Variants in ITPR2 observed in about 807,000 individuals in gnomAD.
ITPR2 encodes the protein inositol 1,4,5-trisphosphate-gated calcium channel ITPR2.
ITPR2 carries 207 observed loss-of-function variants against 317.1 expected under a neutral mutation model. The observed-to-expected ratio is 0.65, with a 90% CI of 0.58 to 0.73. The LOEUF (loss-of-function observed/expected upper bound fraction) is 0.73, where lower values mean the gene tolerates loss of function less well. Ranked by LOEUF, ITPR2 falls within the 30% of genes least tolerant of loss-of-function variation. The pLI, the probability that ITPR2 is intolerant of heterozygous loss-of-function variation, is 0.00. For missense variants in ITPR2, 2,613 were observed against 3,284.0 expected (o/e 0.80, Z 4.99); for synonymous variants, 1,156 against 1,149.1 (o/e 1.01, Z -0.12).
chr12:26,758,682 G>C (rs1444869219), intron 2 of ITPR2, among the ~76,000 whole-genome samples: 2 of 152,212 alleles, frequency 1.3e-5, no homozygotes, highest in Admixed American at 1.3e-4. Context: ...GTCTTAATAA[G>C]TGTCCATCTC....
chr12:26,660,526 A>G (rs1947473379), intron 15 of ITPR2, among the ~76,000 whole-genome samples: 1 of 152,196 alleles, frequency 6.6e-6, no homozygotes, highest in Non-Finnish European at 1.5e-5. Flanking sequence ...ATAGATTAGA[A>G]AGTGGTTTTG....
chr12:26,699,488 A>C (rs978085972), intron 9 of ITPR2, among the ~76,000 whole-genome samples: 69 of 152,306 alleles, frequency 4.5e-4, no homozygotes, highest in Admixed American at 2.0e-3. Flanking sequence ...ATGTCAATAA[A>C]TTTTACATAT....
At chr12:26,406,447 T>G (rs1243578041) in intron 52 of ITPR2, 1 of 149,880 alleles carries the variant, frequency 6.7e-6, no homozygotes, top group Non-Finnish European at 1.5e-5. Flanking sequence ...TTTTTTTTTT[T>G]TTTTTTTAAA....
At chr12:26,461,026 T>C (rs1479430793) in intron 45 of ITPR2, among the ~76,000 whole-genome samples, 1 of 152,180 alleles carries the variant, frequency 6.6e-6, no homozygotes, top group African/African-American at 2.4e-5. Flanking sequence ...CTCTGTCAAT[T>C]GGTTAGTCAA....
intron 45 of ITPR2, among the ~76,000 whole-genome samples, chr12:26,448,129 CA>C: frequency 6.6e-6 from 1 of 151,916 alleles, no homozygotes; most frequent in East Asian, 1.9e-4. Flanking sequence ...TGAGTTGTAA[CA>C]ATAAGAAATC....
chr12:26,449,188 G>A (rs747534420), intron 45 of ITPR2, among the ~76,000 whole-genome samples: 1 of 151,982 alleles, frequency 6.6e-6, no homozygotes, highest in Non-Finnish European at 1.5e-5. Flanking sequence ...CTGTGACATA[G>A]CAATTGGCTT....
At chr12:26,468,049 G>A (rs897814510) in intron 45 of ITPR2, among the ~76,000 whole-genome samples, 1 of 152,122 alleles carries the variant, frequency 6.6e-6, no homozygotes, top group African/African-American at 2.4e-5. Flanking sequence ...ATTCCAGGAT[G>A]ATATATAGCA....
chr12:26,503,170 A>G (rs558428768), intron 37 of ITPR2, among the ~76,000 whole-genome samples: 4 of 109,990 alleles, frequency 3.6e-5, no homozygotes, highest in Admixed American at 9.3e-5. Flanking sequence ...AATGGGGTAG[A>G]AGACCCACTG....
intron 2 of ITPR2, among the ~76,000 whole-genome samples, chr12:26,783,297 A>G (rs1950128074): frequency 6.6e-6 from 1 of 152,234 alleles, no homozygotes; most frequent in East Asian, 1.9e-4. Flanking sequence ...GTCAAGTGAC[A>G]AATGTTCAGA....
intron 13 of ITPR2, among the ~76,000 whole-genome samples, chr12:26,666,521 T>G (rs527931978): frequency 1.3e-5 from 2 of 152,364 alleles, no homozygotes; most frequent in South Asian, 4.1e-4. Flanking sequence ...ACAGCTATAC[T>G]AAATTCCTAA....
chr12:26,678,219 A>G (rs960638422), intron 13 of ITPR2, among the ~76,000 whole-genome samples: 1 of 152,156 alleles, frequency 6.6e-6, no homozygotes, highest in Admixed American at 6.5e-5. Flanking sequence ...GATGGCAGTT[A>G]ACACCCCTCC....
chr12:26,722,338 T>C, intron 5 of ITPR2, 59 bp downstream of exon 5: 1 of 1,433,642 alleles, frequency 7.0e-7, no homozygotes. Context: ...TTATCTTACT[T>C]ATTAGGAATC....
intron 1 of ITPR2, among the ~76,000 whole-genome samples, chr12:26,828,492 C>G (rs1951043373): frequency 6.6e-6 from 1 of 152,138 alleles, no homozygotes; most frequent in Non-Finnish European, 1.5e-5. Flanking sequence ...TAAAACCAAG[C>G]ATGACGGACC....
At position 26,439,030 on chromosome 12, in the gene ITPR2, T is replaced by TA. The variant is rs143809478; in HGVS notation, c.6643+96dup. The TA allele has an allele frequency of 1.8e-3, 1,381 of 783,844 alleles. 8 individuals are homozygous for TA. In the African/African-American group the frequency reaches 0.021, roughly 12 times the overall value. 48.6% of individuals were successfully genotyped at this position (783,844 alleles called of 1,614,324 possible). On this transcript the variant is annotated intron_variant, in intron 47 of 56. Transcript: ENST00000381340. ...CAGTAATATCAGACCAGCAAGAAAT[T>TA]AAAAAAACAATTTAAATGAGCTGCA...
In ITPR2 at chr12:26,805,898, C is replaced by G. The variant is rs146184521; in HGVS notation, c.93-15671G>C. On this transcript the variant is annotated intron_variant, in intron 1 of 56. Transcript: ENST00000381340. The stretch of plus-strand genomic sequence containing the variant: ...CATAGGAAACACTCTGGTTTCCATT[C>G]TGAGTGAGATGGGAGCATTGGGAGC... 3.4e-3 allele frequency among the ~76,000 whole-genome samples: 521 copies of G among 152,026 alleles called. 5 individuals are homozygous for G. Among genetic ancestry groups the G allele is most frequent in the African/African-American group, 0.012 (499 of 41,468 alleles).
chr12:26,734,399 C>T (rs1949081340), intron 2 of ITPR2, among the ~76,000 whole-genome samples: 1 of 152,010 alleles, frequency 6.6e-6, no homozygotes, highest in Admixed American at 6.6e-5. Context: ...CTACAAGGGC[C>T]CAAAAATGTG....
chr12:26,619,671 A>C (rs1174789698), intron 26 of ITPR2, among the ~76,000 whole-genome samples: 3 of 152,150 alleles, frequency 2.0e-5, no homozygotes, highest in Non-Finnish European at 4.4e-5. Context: ...ACTGGTTTCA[A>C]AACTAAGCCA....
chr12:26,812,271 T>C (rs1043490242), intron 1 of ITPR2, among the ~76,000 whole-genome samples: 1 of 152,056 alleles, frequency 6.6e-6, no homozygotes, highest in Non-Finnish European at 1.5e-5. Context: ...CTTATGATTT[T>C]ACCATTTTAA....
chr12:26,750,922 C>T (rs771639130), intron 2 of ITPR2, among the ~76,000 whole-genome samples: 8 of 152,138 alleles, frequency 5.3e-5, no homozygotes, highest in Non-Finnish European at 8.8e-5. Context: ...GTACAATTAC[C>T]GTCATTTTAC....
Sources: allele counts gnomAD v4.1 joint callset (sites outside exome capture counted in the v4.1 genomes callset), GRCh38; gene constraint gnomAD v4.1.1; transcripts MANE v1.5; gene names NCBI Gene and HGNC (gene_info 2026-07-23, HGNC 2026-07-21).